TLR1: variants seen among roughly 807,000 people sequenced by gnomAD.
The protein encoded by TLR1 is toll like receptor 1.
TLR1 carries 19 observed loss-of-function variants against 20.2 expected under a neutral mutation model. The observed-to-expected ratio is 0.94, with a 90% CI of 0.66 to 1.38. The LOEUF (loss-of-function observed/expected upper bound fraction) is 1.38, where lower values mean the gene tolerates loss of function less well. TLR1 is among the 40% of genes most tolerant of loss of function. TLR1 has a pLI of 0.00. For synonymous variants in TLR1, 320 were observed against 334.5 expected, an observed-to-expected ratio of 0.96 and a Z score of 0.47; for missense variants, 921 against 910.0, an observed-to-expected ratio of 1.01 and a Z score of -0.16.
chr4:38,801,790 G>C (rs1004851836), intron 2 of TLR1, among the ~76,000 whole-genome samples: 2 of 152,136 alleles, frequency 1.3e-5, no homozygotes, highest in Admixed American at 6.5e-5. Flanking sequence ...TTATATAACT[G>C]CCTGCCCCCA....
rs1726394710 is a variant in TLR1, at chr4:38,798,655, C to T, written c.177G>A (p.Glu59=). The change falls in exon 4 of 4, where the codon GAG becomes GAA. Residue 59 remains glutamate (E), a synonymous_variant. Transcript: ENST00000308979. ...ILNISQNYIS[E]LWTSDILSLS... ...GTGATAAGATGTCAGAAGTCCAAAGCTCAGATATATAATTTTGCGATATAT... is the reference window on the plus strand; with the variant it reads ...GTGATAAGATGTCAGAAGTCCAAAGTTCAGATATATAATTTTGCGATATAT... 1 of 1,613,918 alleles carries T rather than the reference C, an allele frequency of 6.2e-7. No individual in the cohort carries two copies. Among genetic ancestry groups the T allele is most frequent in the Non-Finnish European group, 8.5e-7 (1 of 1,179,920 alleles).
At position 38,796,583 on chromosome 4, in the gene TLR1, A is replaced by G. The variant is rs749120670; in HGVS notation, c.2249T>C (p.Met750Thr). ...PSSYHKLKSL[M>T]ARRTYLEWPK... ...CCATTCCAAATAAGTCCTCCTGGCC[A>G]TGAGACTTTTGAGCTTGTGATAACT... Residue 750 changes from methionine to threonine, a missense_variant, in exon 4 of 4, where the codon ATG (methionine) becomes ACG (threonine). By Grantham distance (81) the Met-to-Thr change is moderately conservative (BLOSUM62 -1). Transcript: ENST00000308979. The G allele has an allele frequency of 4.3e-6, 7 of 1,614,180 alleles. No homozygotes were observed. Among genetic ancestry groups the G allele is most frequent in the Admixed American group, 3.3e-5 (2 of 60,014 alleles).
rs1207782360 is a variant in TLR1, at chr4:38,798,521, T to G, written c.311A>C (p.Lys104Thr). Residue 104 changes from lysine to threonine, a missense_variant, in exon 4 of 4, where the codon AAG becomes ACG. Coordinates refer to ENST00000308979, the MANE Select transcript of TLR1 (RefSeq NM_003263.4). The part of the protein sequence containing the change: ...ELEYLDLSHN[K>T]LVKISCHPTV... ...AGGGTGGCAAGAAATCTTCACCAAC[T>G]TGTTGTGGGACAAATCCAAGTATTC... 2 of 1,614,176 alleles carry G rather than the reference T, an allele frequency of 1.2e-6. No homozygotes were observed. The highest frequency in any genetic ancestry group is 2.2e-5 in the South Asian group (2 of 91,086).
rs533081544 is a variant in TLR1 at position 38,798,301 on chromosome 4, T to A, written c.531A>T (p.Glu177Asp). Reference protein sequence around the residue: ...VLLVLGETYGEKEDPEGLQDF... With the variant: ...VLLVLGETYGDKEDPEGLQDF... ...CTTGAAGGCCCTCAGGGTCTTCTTT[T>A]TCCCCATAAGTCTCTCCTAAGACCA... The change falls in exon 4 of 4, where the codon GAA becomes GAT. Residue 177 changes from glutamate (E) to aspartate (D), a missense_variant. Physicochemically the swap from Glu to Asp is conservative, Grantham distance 45 (BLOSUM62 2). Coordinates refer to ENST00000308979, the MANE Select transcript of TLR1 (RefSeq NM_003263.4). 4.3e-6 allele frequency: 7 copies of A among 1,612,886 alleles called. No homozygotes were observed. The highest frequency in any genetic ancestry group is 1.3e-5 in the African/African-American group (1 of 74,938).
intron 2 of TLR1, among the ~76,000 whole-genome samples, chr4:38,801,858 C>G (rs1184244443): frequency 6.6e-6 from 1 of 152,180 alleles, no homozygotes. Context: ...GCCCCCCAAC[C>G]AGGAATATCA....
At chr4:38,801,502 T>C (rs531052059) in intron 2 of TLR1, among the ~76,000 whole-genome samples, 1 of 152,308 alleles carries the variant, frequency 6.6e-6, no homozygotes, top group South Asian at 2.1e-4. Flanking sequence ...AGTGCCAAGC[T>C]AGGTCGAAGC....
downstream of TLR1, among the ~76,000 whole-genome samples, chr4:38,793,231 A>G (rs1725831344): frequency 6.6e-6 from 1 of 152,154 alleles, no homozygotes; most frequent in African/African-American, 2.4e-5. Context: ...AAAGCTCGCT[A>G]TGTGAAAACT....
At chr4:38,789,499 T>C (rs147891798), downstream of TLR1, among the ~76,000 whole-genome samples, 1,163 of 152,126 alleles carry the variant, frequency 7.6e-3, 14 homozygotes, top group African/African-American at 0.022. Context: ...TTTTTTTTGT[T>C]GAGCTGGAGT....
Position 38,797,128 on chromosome 4 carries a change from C to G in TLR1, c.1704G>C (p.Lys568Asn). Reference sequence around the variant, plus strand: ...AGGATAATTCAGACATGTGAAAGTCCTTTAGTAGGGTTCCTCTATAACTTT... The same window carrying G: ...AGGATAATTCAGACATGTGAAAGTCGTTTAGTAGGGTTCCTCTATAACTTT... ...YPESYRGTLL[K>N]DFHMSELSCN... Residue 568 changes from lysine to asparagine, a missense_variant, in exon 4 of 4, where the codon AAG becomes AAC. Transcript: ENST00000308979. 1.9e-6 allele frequency: 3 copies of G among 1,614,196 alleles called. No homozygotes were observed. The highest frequency in any genetic ancestry group is 2.5e-6 in the Non-Finnish European group (3 of 1,180,042).
Position 38,796,859 on chromosome 4 carries a change from T to C in TLR1, c.1973A>G (p.Asn658Ser), listed in dbSNP as rs1726115150. 1 of 1,614,126 alleles carries C rather than the reference T, an allele frequency of 6.2e-7. No individual in the cohort carries two copies. Among genetic ancestry groups the C allele is most frequent in the South Asian group, 1.1e-5 (1 of 91,092 alleles). ...AATCTGCATACCTTCTTTCTCTAGGTTTGGCAATAATTCATTCTTCACCCA... is the reference window on the plus strand; with the variant it reads ...AATCTGCATACCTTCTTTCTCTAGGCTTGGCAATAATTCATTCTTCACCCA... The part of the protein sequence containing the change: ...SFWVKNELLP[N>S]LEKEGMQICL... Residue 658 changes from asparagine (N) to serine (S), a missense_variant, in exon 4 of 4, where the codon AAC (asparagine) becomes AGC (serine). Physicochemically the swap from Asn to Ser is conservative, Grantham distance 46. Coordinates refer to ENST00000308979, the MANE Select transcript of TLR1 (RefSeq NM_003263.4).
Position 38,798,871 on chromosome 4 carries a change from T to A in TLR1, c.-40A>T. 1.4e-6 allele frequency: 2 copies of A among 1,417,370 alleles called. No homozygotes were observed. Among genetic ancestry groups the A allele is most frequent in the East Asian group, 4.6e-5 (2 of 43,382 alleles). The allele number at this position is 1,417,370 out of a possible 1,614,324, so 87.8% of individuals were successfully genotyped here. On this transcript the variant is annotated 5_prime_UTR_variant, in exon 4 of 4. An upstream open reading frame in the 5' UTR loses its in-frame stop. Coordinates refer to ENST00000308979, the MANE Select transcript of TLR1 (RefSeq NM_003263.4). ...CATTCCTAAAGGTAGAAGCTGTTCT[T>A]CAGATCATCTTGATACAGATACAGA...
In TLR1 at chr4:38,797,677, T is replaced by C. The variant is rs896887966; in HGVS notation, c.1155A>G (p.Lys385=). 8.1e-6 allele frequency: 13 copies of C among 1,613,804 alleles called. No homozygotes were observed. The highest frequency in any genetic ancestry group is 1.1e-5 in the Non-Finnish European group (13 of 1,179,980). The change falls in exon 4 of 4, where the codon AAA becomes AAG. Residue 385 remains lysine, a synonymous_variant. Coordinates refer to ENST00000308979, the MANE Select transcript of TLR1 (RefSeq NM_003263.4). ...TCATTTCAGCTATTTTTGAAAGTTC[T>C]TTTAATTGATTCATTTGTAAAATAA... ...ETLILQMNQL[K]ELSKIAEMTT... is the part of the protein sequence containing the mutation.
exon 4 of TLR1, chr4:38,791,162 G>A (rs1227839972): frequency 1.3e-5 from 2 of 152,230 alleles, no homozygotes; most frequent in South Asian, 4.1e-4. Context: ...AAGCAGTTCA[G>A]AAGAAGAGAA....
In TLR1 at chr4:38,798,729, C is replaced by T. The variant is rs753886136; in HGVS notation, c.103G>A (p.Gly35Ser). Residue 35 changes from glycine (G) to serine (S), a missense_variant, in exon 4 of 4, where the codon GGT (glycine) becomes AGT (serine). Coordinates refer to ENST00000308979, the MANE Select transcript of TLR1 (RefSeq NM_003263.4). ...AGGTCTTTAGGAACGTGGATGAGACCGTTTTTTGACCTATCAACTAAAAAT... is the reference window on the plus strand; with the variant it reads ...AGGTCTTTAGGAACGTGGATGAGACTGTTTTTTGACCTATCAACTAAAAAT... Reference protein sequence around the residue: ...SEFLVDRSKNGLIHVPKDLSQ... With the variant: ...SEFLVDRSKNSLIHVPKDLSQ... The T allele has an allele frequency of 1.1e-5, 17 of 1,612,964 alleles. No individual in the cohort carries two copies. The African/African-American group carries it at 2.0e-4, about 19-fold the overall frequency.
downstream of TLR1, among the ~76,000 whole-genome samples, chr4:38,787,984 G>C (rs1012626292): frequency 6.6e-6 from 1 of 152,100 alleles, no homozygotes; most frequent in Non-Finnish European, 1.5e-5. Flanking sequence ...GCTCACTCTG[G>C]GAATGGTCCT....
In TLR1 at chr4:38,798,014, A is replaced by G. The variant is rs1169602607; in HGVS notation, c.818T>C (p.Val273Ala). Residue 273 changes from valine to alanine, a missense_variant, in exon 4 of 4, where the codon GTA (valine) becomes GCA (alanine). Physicochemically the swap from Val to Ala is moderately conservative, Grantham distance 64. Transcript: ENST00000308979. ...CACGTTTGAAATTGAGAAATACCAT[A>G]CAGTTGTATGCCAAACCAGCTGGAG... is the stretch of plus-strand genomic sequence containing the variant. ...RILQLVWHTTVWYFSISNVKL... is the reference protein window; with the variant it reads ...RILQLVWHTTAWYFSISNVKL... The G allele has an allele frequency of 1.9e-6, 3 of 1,614,084 alleles. No individual in the cohort carries two copies. Among genetic ancestry groups the G allele is most frequent in the Middle Eastern group, 1.6e-4 (1 of 6,084 alleles).
chr4:38,789,697 G>A (rs145652002), downstream of TLR1, among the ~76,000 whole-genome samples: 5,083 of 152,058 alleles, frequency 0.033, 320 homozygotes, highest in African/African-American at 0.11. Context: ...TCTTGACCTC[G>A]GGTGATCCAC....
At position 38,797,697 on chromosome 4, in the gene TLR1, A is replaced by C. The variant is rs1726223260; in HGVS notation, c.1135T>G (p.Leu379Val). 6.2e-7 allele frequency: 1 copy of C among 1,613,976 alleles called. No homozygotes were observed. Among genetic ancestry groups the C allele is most frequent in the African/African-American group, 1.3e-5 (1 of 75,036 alleles). ...AGTTCTTTTAATTGATTCATTTGTAAAATAAGTGTCTCCAACTCAGTAAGG... is the reference window on the plus strand; with the variant it reads ...AGTTCTTTTAATTGATTCATTTGTACAATAAGTGTCTCCAACTCAGTAAGG... Reference protein sequence around the residue: ...GHLTELETLILQMNQLKELSK... With the variant: ...GHLTELETLIVQMNQLKELSK... Residue 379 changes from leucine to valine, a missense_variant, in exon 4 of 4, where the codon TTA becomes GTA. Transcript: ENST00000308979.
intron 2 of TLR1, among the ~76,000 whole-genome samples, chr4:38,802,877 C>T (rs139480527): frequency 1.2e-3 from 182 of 152,300 alleles, no homozygotes; most frequent in African/African-American, 4.2e-3. Context: ...CATCCCTTGG[C>T]TCTAAGCCAC....
Sources: gnomAD v4.1 joint callset for allele counts (sites outside exome capture counted in the v4.1 genomes callset) on GRCh38, gnomAD v4.1.1 for gene constraint, MANE v1.5 for transcripts, NCBI Gene and HGNC (gene_info 2026-07-23, HGNC 2026-07-21) for gene names.